FGFR1: variants seen among roughly 807,000 people sequenced by gnomAD.
The protein encoded by FGFR1 is FGFR1/PLAG1 fusion.
A neutral mutation model predicts 93.7 loss-of-function variants in FGFR1; 18 were observed. The observed-to-expected ratio is 0.19, with a 90% confidence interval of 0.13 to 0.28. FGFR1 has a LOEUF of 0.28. FGFR1 is among the 10% of genes least tolerant of loss of function. The pLI is 1.00. For synonymous variants in FGFR1, 448 were observed against 429.3 expected, an observed-to-expected ratio of 1.04 and a Z score of -0.54; for missense variants, 731 against 1,080.4, an observed-to-expected ratio of 0.68 and a Z score of 4.53.
rs1312740936 is a variant in FGFR1 at position 38,413,876 on chromosome 8, T to A, written c.2292+42A>T. Reference sequence around the variant, plus strand: ...TGCTCAGGGAGGTGCGTGCACGCAGTGGGGACGGCCTGAGCTCTGGCTCTG... The same window carrying A: ...TGCTCAGGGAGGTGCGTGCACGCAGAGGGGACGGCCTGAGCTCTGGCTCTG... On this transcript the variant is annotated intron_variant, in intron 17 of 17. Transcript: ENST00000447712. This position sits in a 1 kb window ranked among gnomAD's most constrained non-coding sequence, Gnocchi z 4.2. 6.2e-7 allele frequency: 1 copy of A among 1,613,246 alleles called. No homozygotes were observed. Among genetic ancestry groups the A allele is most frequent in the Admixed American group, 1.7e-5 (1 of 59,938 alleles).
intron 4 of FGFR1, 111 bp from the exon 5 acceptor site, chr8:38,428,204 C>T: frequency 6.6e-7 from 1 of 1,522,150 alleles, no homozygotes; most frequent in Non-Finnish European, 9.1e-7. Context: ...CTGCCCAACA[C>T]CTGTGAGCAG....
At chr8:38,463,858 C>T (rs1834944072) in intron 1 of FGFR1, among the ~76,000 whole-genome samples, 1 of 152,026 alleles carries the variant, frequency 6.6e-6, no homozygotes, top group Non-Finnish European at 1.5e-5. Flanking sequence ...TCTCTACTCA[C>T]ATGTTGAGAG....
intron 2 of FGFR1, among the ~76,000 whole-genome samples, chr8:38,437,108 G>A (rs1298384412): frequency 6.6e-6 from 1 of 152,150 alleles, no homozygotes; most frequent in Non-Finnish European, 1.5e-5. Flanking sequence ...TTGAACTCCT[G>A]AACTTAAGTG....
At position 38,414,760 on chromosome 8, in the gene FGFR1, C is replaced by A. The variant is rs776590352; in HGVS notation, c.1977+19G>T. 3 of 1,613,816 alleles carry A rather than the reference C, an allele frequency of 1.9e-6. No homozygotes were observed. Among genetic ancestry groups the A allele is most frequent in the South Asian group, 1.1e-5 (1 of 91,090 alleles). The stretch of plus-strand genomic sequence containing the variant: ...CTCAGATGAAACCACCAGCACAGGG[C>A]GGCCTTGTCGGCACTCACGTTGGTT... On this transcript the variant is annotated intron_variant, in intron 14 of 17. Transcript: ENST00000447712.
At position 38,429,916 on chromosome 8, in the gene FGFR1, A is replaced by G. The variant is rs1200752017; in HGVS notation, c.124T>C (p.Ser42Pro). Residue 42 changes from serine to proline, a missense_variant, in exon 3 of 18, where the codon TCC (serine) becomes CCC (proline). Physicochemically the swap from Ser to Pro is moderately conservative, Grantham distance 74. Coordinates refer to ENST00000447712, the MANE Select transcript of FGFR1 (RefSeq NM_023110.3). This position sits in a 1 kb window ranked among gnomAD's most constrained non-coding sequence, Gnocchi z 4.4. Reference protein sequence around the residue: ...QPWGAPVEVESFLVHPGDLLQ... With the variant: ...QPWGAPVEVEPFLVHPGDLLQ... ...AGGTCACCGGGGTGGACCAGGAAGG[A>G]CTCCACTTCCACAGGGGCTCCCCAG... The G allele has an allele frequency of 6.2e-7, 1 of 1,612,812 alleles. No individual in the cohort carries two copies. Among genetic ancestry groups the G allele is most frequent in the East Asian group, 2.2e-5 (1 of 44,838 alleles).
At chr8:38,415,025 C>G in intron 13 of FGFR1, 124 bp from the exon 14 acceptor site, 1 of 723,130 alleles carries the variant, frequency 1.4e-6, no homozygotes, top group Non-Finnish European at 2.3e-6. Context: ...GCTCTGCCCC[C>G]CGAACCTTTG....
chr8:38,461,038 GAGCAGAGAGGGGGC>G, intron 1 of FGFR1: 2 of 1,532,060 alleles, frequency 1.3e-6, no homozygotes, highest in Non-Finnish European at 8.7e-7. Context: ...CCTCGGTGGG[GAGCAGAGAGGGGGC>G]ACATCTCAGT....
rs1196236536 is a variant in FGFR1, at chr8:38,418,630, C to T, written c.1285-257G>A. The T allele has an allele frequency of 5.5e-6, 3 of 550,384 alleles. No homozygotes were observed. The East Asian group carries it at 9.3e-5, about 17-fold the overall frequency. The allele number at this position is 550,384 out of a possible 1,614,324, so 34.1% of individuals were successfully genotyped here. On this transcript the variant is annotated intron_variant, in intron 9 of 17. Transcript: ENST00000447712. ...AGCAGACCAAATGCACCTCTTCCAG[C>T]TTGACATTTTATAACTGATCATTGC... is the stretch of plus-strand genomic sequence containing the variant.
At chr8:38,451,948 C>G (rs1311579060) in intron 2 of FGFR1, among the ~76,000 whole-genome samples, 1 of 152,076 alleles carries the variant, frequency 6.6e-6, no homozygotes, top group African/African-American at 2.4e-5. Flanking sequence ...TCAGTCTTTC[C>G]AAACAACTCC....
chr8:38,446,574 A>T (rs1456260378), intron 2 of FGFR1, among the ~76,000 whole-genome samples: 1 of 151,854 alleles, frequency 6.6e-6, no homozygotes, highest in African/African-American at 2.4e-5. Context: ...CACCACGCCC[A>T]GGTAATTTTT....
chr8:38,412,539 G>A lies in FGFR1; in HGVS notation c.*1089C>T, dbSNP rs987332046. Reference sequence around the variant, plus strand: ...CTCGAAGCAGACATCTTCTTTTTCTGACTTTCCAAAAGCAGCGGAGAGGCA... The same window carrying A: ...CTCGAAGCAGACATCTTCTTTTTCTAACTTTCCAAAAGCAGCGGAGAGGCA... On this transcript the variant is annotated 3_prime_UTR_variant, in exon 18 of 18. Coordinates refer to ENST00000447712, the MANE Select transcript of FGFR1 (RefSeq NM_023110.3). 4.3e-6 allele frequency: 1 copy of A among 233,004 alleles called. No homozygotes were observed. Among genetic ancestry groups the A allele is most frequent in the Non-Finnish European group, 8.5e-6 (1 of 117,838 alleles). 14.4% of individuals were successfully genotyped at this position (233,004 alleles called of 1,614,324 possible). A position where few individuals can be genotyped will look rare whatever the true frequency, so the allele number is the denominator to read the frequency against.
rs571976389 is a variant in FGFR1 at position 38,440,729 on chromosome 8, G to T, written c.92-10781C>A. On this transcript the variant is annotated intron_variant, in intron 2 of 17. Transcript: ENST00000447712. ...AACTGCTGTGTTTGCCAGAGGGCCG[G>T]CAATAAAGCTCACAACAAAGGGGCC... is the stretch of plus-strand genomic sequence containing the variant. Among the ~76,000 whole-genome samples, 10 of 152,258 alleles carry T rather than the reference G, an allele frequency of 6.6e-5. No homozygotes were observed. In the South Asian group the frequency reaches 1.9e-3, roughly 28 times the overall value.
rs1302701084 is a variant in FGFR1 at position 38,424,767 on chromosome 8, C to T, written c.746-68G>A. The T allele has an allele frequency of 1.3e-6, 2 of 1,533,288 alleles. No individual in the cohort carries two copies. The highest frequency in any genetic ancestry group is 1.8e-5 in the Admixed American group (1 of 56,872). The allele number at this position is 1,533,288 out of a possible 1,614,324, so 95.0% of individuals were successfully genotyped here. ...CCATGGCTAAAGAGGGGTGGGCTCA[C>T]CTGCGCCCCACTTGGCTTTCCCAGT... On this transcript the variant is annotated intron_variant, in intron 6 of 17. Coordinates refer to ENST00000447712, the MANE Select transcript of FGFR1 (RefSeq NM_023110.3). This position sits in a 1 kb window ranked among gnomAD's most constrained non-coding sequence, Gnocchi z 4.3.
At chr8:38,442,562 G>A (rs887011345) in intron 2 of FGFR1, among the ~76,000 whole-genome samples, 18 of 152,008 alleles carry the variant, frequency 1.2e-4, no homozygotes, top group African/African-American at 4.4e-4. Context: ...TGAATCAACG[G>A]CAAAGAGGTA....
chr8:38,465,966 G>A (rs984856423), intron 1 of FGFR1: 1 of 229,002 alleles, frequency 4.4e-6, no homozygotes, highest in East Asian at 6.1e-5. Flanking sequence ...AAGGAAACCA[G>A]AGAAGTGTTT....
chr8:38,461,056 T>C (rs531983782), intron 1 of FGFR1: 4 of 1,535,690 alleles, frequency 2.6e-6, no homozygotes, highest in African/African-American at 2.7e-5. Context: ...AGGGGGCACA[T>C]CTCAGTTTCC....
At chr8:38,466,369 G>C (rs1232716439) in intron 1 of FGFR1, among the ~76,000 whole-genome samples, 1 of 152,244 alleles carries the variant, frequency 6.6e-6, no homozygotes, top group Non-Finnish European at 1.5e-5. Flanking sequence ...CAACGCTTTG[G>C]TTCCAGAAAC....
intron 2 of FGFR1, among the ~76,000 whole-genome samples, chr8:38,433,434 T>C (rs902084601): frequency 2.6e-5 from 4 of 152,166 alleles, no homozygotes; most frequent in African/African-American, 7.2e-5. Flanking sequence ...CTTCAGCCTC[T>C]GGAGCAGCTG....
In FGFR1 at chr8:38,429,951, G is replaced by A. The variant is rs1822349929; in HGVS notation, c.92-3C>T. 1 of 1,602,316 alleles carries A rather than the reference G, an allele frequency of 6.2e-7. No homozygotes were observed. Among genetic ancestry groups the A allele is most frequent in the Non-Finnish European group, 8.5e-7 (1 of 1,173,136 alleles). ...CACAGGGGCTCCCCAGGGCTGGGCT[G>A]CAGCCACCACGGGGCCGGGAAGGGA... On this transcript the variant is annotated splice_region_variant and splice_polypyrimidine_tract_variant and intron_variant, in intron 2 of 17. Transcript: ENST00000447712. The surrounding 1 kb of genome is among the most constrained non-coding windows in gnomAD (Gnocchi z 4.4).
Sources: allele counts gnomAD v4.1 joint callset (sites outside exome capture counted in the v4.1 genomes callset), GRCh38; gene constraint gnomAD v4.1.1; non-coding constraint Gnocchi (gnomAD v3.1); transcripts MANE v1.5; gene names NCBI Gene and HGNC (gene_info 2026-07-23, HGNC 2026-07-21).